CCDC102B: variants seen among roughly 807,000 people sequenced by gnomAD.
CCDC102B encodes coiled-coil domain containing 102B.
Under a neutral mutation model 57.4 loss-of-function variants are expected in CCDC102B, and 75 were observed. The ratio of observed to expected loss-of-function variants is 1.31; its 90% CI spans 1.08 to 1.58. The LOEUF is 1.58. CCDC102B is among the 40% of genes most tolerant of loss of function. CCDC102B has a pLI of 0.00. For synonymous variants in CCDC102B, 206 were observed against 201.9 expected, an observed-to-expected ratio of 1.02 and a Z score of -0.17; for missense variants, 636 against 582.6, an observed-to-expected ratio of 1.09 and a Z score of -0.94.
intron 4 of CCDC102B, among the ~76,000 whole-genome samples, chr18:68,857,405 AAT>A (rs1287153765): frequency 1.6e-4 from 20 of 125,414 alleles, no homozygotes; most frequent in Non-Finnish European, 2.9e-4. Context: ...TAAATATATA[AAT>A]ATATATATTT....
At chr18:68,908,814 A>G (rs1376031800) in intron 6 of CCDC102B, among the ~76,000 whole-genome samples, 1 of 152,120 alleles carries the variant, frequency 6.6e-6, no homozygotes, top group Non-Finnish European at 1.5e-5. Flanking sequence ...GTGTACATAT[A>G]TATTGGTTAC....
At position 68,872,543 on chromosome 18, in the gene CCDC102B, A is replaced by G. The variant is rs560326518; in HGVS notation, c.937-2126A>G. Reference sequence around the variant, plus strand: ...TTTTCTTGAAGATAGTGATTACAGTAGTTGTTTTTTAACTAATATTCTCTT... The same window carrying G: ...TTTTCTTGAAGATAGTGATTACAGTGGTTGTTTTTTAACTAATATTCTCTT... On this transcript the variant is annotated intron_variant, in intron 4 of 7. Coordinates refer to ENST00000360242, the MANE Select transcript of CCDC102B (RefSeq NM_024781.3). 5.9e-5 allele frequency among the ~76,000 whole-genome samples: 9 copies of G among 152,104 alleles called. No individual in the cohort carries two copies. The East Asian group carries it at 1.7e-3, about 29-fold the overall frequency.
At chr18:68,834,338 T>C (rs1330592871) in intron 1 of CCDC102B, among the ~76,000 whole-genome samples, 1 of 151,394 alleles carries the variant, frequency 6.6e-6, no homozygotes, top group African/African-American at 2.4e-5. Flanking sequence ...ATATGCTGAA[T>C]TAAATTCTCT....
upstream of CCDC102B, among the ~76,000 whole-genome samples, chr18:68,796,849 G>GTGTGTT (rs1465542826): frequency 4.0e-5 from 6 of 149,034 alleles, no homozygotes; most frequent in African/African-American, 1.2e-4. Flanking sequence ...ATGCATGTGT[G>GTGTGTT]TGTGTGTGTG....
At chr18:68,740,479 A>G (rs9963801) in intron 2 of CCDC102B, among the ~76,000 whole-genome samples, 17,673 of 152,270 alleles carry the variant, frequency 0.12, 1,195 homozygotes, top group African/African-American at 0.18. Context: ...CTTTGGTTTT[A>G]CAGGATTGTT....
chr18:68,956,289 C>A (rs991999986), intron 6 of CCDC102B, among the ~76,000 whole-genome samples: 12 of 127,366 alleles, frequency 9.4e-5, no homozygotes, highest in African/African-American at 3.6e-4. Context: ...ATAGATATCT[C>A]TTTGATATGC....
At chr18:68,846,792 T>C (rs1218525878) in intron 4 of CCDC102B, among the ~76,000 whole-genome samples, 1 of 151,784 alleles carries the variant, frequency 6.6e-6, no homozygotes, top group Non-Finnish European at 1.5e-5. Context: ...GAGGGGATGG[T>C]TAAAGATATC....
intron 1 of CCDC102B, among the ~76,000 whole-genome samples, chr18:68,801,972 A>G (rs993610181): frequency 3.9e-5 from 6 of 152,184 alleles, no homozygotes; most frequent in African/African-American, 1.4e-4. Context: ...GTTTTGAACA[A>G]GCGTTTCTTC....
chr18:68,984,733 C>T (rs112222285), intron 6 of CCDC102B, among the ~76,000 whole-genome samples: 4,914 of 152,182 alleles, frequency 0.032, 287 homozygotes, highest in African/African-American at 0.11. Context: ...AATACCAACA[C>T]AGAGTGAGAG....
At position 69,025,482 on chromosome 18, in the gene CCDC102B, C is replaced by T. The variant is rs547994736; in HGVS notation, c.1434+14378C>T. ...TGTGATAGTGTTGAGAACAGGTACA[C>T]TACTGCATGTGCGTGTAAGCTATTT... On this transcript the variant is annotated intron_variant, in intron 7 of 7. Coordinates refer to ENST00000360242, the MANE Select transcript of CCDC102B (RefSeq NM_024781.3). Among the ~76,000 whole-genome samples, 19 of 152,296 alleles carry T rather than the reference C, an allele frequency of 1.2e-4. No homozygotes were observed. The South Asian group carries it at 3.1e-3, about 25-fold the overall frequency.
intron 1 of CCDC102B, among the ~76,000 whole-genome samples, chr18:68,802,275 G>A (rs1263563488): frequency 6.6e-6 from 1 of 152,122 alleles, no homozygotes; most frequent in Non-Finnish European, 1.5e-5. Context: ...CAACTACGTA[G>A]AGTCCCTGCC....
At chr18:68,859,875 A>C (rs1599584566) in intron 4 of CCDC102B, among the ~76,000 whole-genome samples, 1 of 75,020 alleles carries the variant, frequency 1.3e-5, no homozygotes, top group East Asian at 4.4e-4. Flanking sequence ...TAGTTCAACC[A>C]TTGTGGAGGT....
intron 2 of CCDC102B, among the ~76,000 whole-genome samples, chr18:68,758,853 A>G (rs552602731): frequency 2.0e-5 from 3 of 151,928 alleles, no homozygotes; most frequent in South Asian, 4.2e-4. Context: ...CCCCATCCCT[A>G]TAGTAAGAAA....
chr18:68,887,525 A>G (rs1171737957), intron 5 of CCDC102B, among the ~76,000 whole-genome samples: 3 of 152,172 alleles, frequency 2.0e-5, no homozygotes, highest in Admixed American at 1.3e-4. Flanking sequence ...ATCCATAGGC[A>G]TTGACATTTG....
chr18:68,815,745 T>C (rs1265553634), intron 1 of CCDC102B, among the ~76,000 whole-genome samples: 2 of 151,846 alleles, frequency 1.3e-5, no homozygotes, highest in Non-Finnish European at 2.9e-5. Context: ...ACAAACTTCT[T>C]TTTTTCATCT....
rs1398718212 is a variant in CCDC102B at position 68,833,420 on chromosome 18, C to A, written c.-15-3329C>A. Among the ~76,000 whole-genome samples the A allele has an allele frequency of 8.6e-5, 12 of 139,082 alleles. No individual in the cohort carries two copies. In the East Asian group the frequency reaches 2.0e-3, roughly 23 times the overall value. 91.2% of individuals were successfully genotyped at this position (139,082 alleles called of 152,430 possible). A position where few individuals can be genotyped will look rare whatever the true frequency, so the allele number is the denominator to read the frequency against. On this transcript the variant is annotated intron_variant, in intron 1 of 7. Coordinates refer to ENST00000360242, the MANE Select transcript of CCDC102B (RefSeq NM_024781.3). ...TTTTTTAAGTACACCATTTCTCTTT[C>A]AAGAGACAGAGGGAAAAACACACAA...
At chr18:69,040,206 T>C (rs989019302) in intron 7 of CCDC102B, among the ~76,000 whole-genome samples, 17 of 151,998 alleles carry the variant, frequency 1.1e-4, no homozygotes, top group African/African-American at 4.1e-4. Context: ...TCATTCATCA[T>C]TTTAGGTGTG....
chr18:68,986,883 A>G (rs2050738847), intron 6 of CCDC102B, among the ~76,000 whole-genome samples: 1 of 152,138 alleles, frequency 6.6e-6, no homozygotes. Flanking sequence ...AAAGATCTCT[A>G]TGAGGGGAAC....
chr18:68,783,330 G>T (rs1402152412), intron 2 of CCDC102B, among the ~76,000 whole-genome samples: 1 of 152,138 alleles, frequency 6.6e-6, no homozygotes. Flanking sequence ...CAGTCTTGAA[G>T]TTTCCTAAAA....
Sources: gnomAD v4.1 joint callset for allele counts (sites outside exome capture counted in the v4.1 genomes callset) on GRCh38, gnomAD v4.1.1 for gene constraint, MANE v1.5 for transcripts, NCBI Gene and HGNC (gene_info 2026-07-23, HGNC 2026-07-21) for gene names.